MYADM: variants seen among roughly 807,000 people sequenced by gnomAD.
MYADM encodes myeloid associated differentiation marker.
For missense variants in MYADM, 416 were observed against 443.4 expected (o/e 0.94, Z 0.56); for synonymous variants, 224 against 210.2 (o/e 1.07, Z -0.57).
In MYADM at chr19:53,874,163, A is replaced by G. The variant is rs779142146; in HGVS notation, c.634A>G (p.Ile212Val). Residue 212 changes from isoleucine (I) to valine (V), a missense_variant, in exon 3 of 3, where the codon ATC becomes GTC. Physicochemically the swap from Ile to Val is conservative, Grantham distance 29. Coordinates refer to ENST00000391770, the MANE Select transcript of MYADM (RefSeq NM_138373.5). ...GGAGTGGTGCGTGGCGGTGTACGCC[A>G]TCTGCTTCATCCTAGCGGCCATCGC... ...ALEWCVAVYA[I>V]CFILAAIAIL... 6.2e-7 allele frequency: 1 copy of G among 1,613,912 alleles called. No individual in the cohort carries two copies. Among genetic ancestry groups the G allele is most frequent in the South Asian group, 1.1e-5 (1 of 91,086 alleles).
chr19:53,874,047 C>T lies in MYADM; in HGVS notation c.518C>T (p.Pro173Leu). The T allele has an allele frequency of 6.2e-7, 1 of 1,609,784 alleles. No individual in the cohort carries two copies. The highest frequency in any genetic ancestry group is 8.5e-7 in the Non-Finnish European group (1 of 1,180,022). ...GEITGYMATV[P>L]GLLKVLETFV... is the part of the protein sequence containing the mutation. ...ATCACTGGCTATATGGCCACCGTACCCGGGCTGCTGAAGGTGCTGGAGACC... is the reference window on the plus strand; with the variant it reads ...ATCACTGGCTATATGGCCACCGTACTCGGGCTGCTGAAGGTGCTGGAGACC... The change falls in exon 3 of 3, where the codon CCC (proline) becomes CTC (leucine). Residue 173 changes from proline (P) to leucine (L), a missense_variant. Pro to Leu is a moderately conservative substitution (Grantham distance 98, BLOSUM62 -3). Transcript: ENST00000391770.
In MYADM at chr19:53,868,339, GAT is replaced by G. The variant is rs2068282865; in HGVS notation, c.-88+397_-88+398del. 6.6e-6 allele frequency among the ~76,000 whole-genome samples: 1 copy of G among 152,066 alleles called. No individual in the cohort carries two copies. Among genetic ancestry groups the G allele is most frequent in the Non-Finnish European group, 1.5e-5 (1 of 68,008 alleles). On this transcript the variant is annotated intron_variant, in intron 1 of 2. Coordinates refer to ENST00000391770, the MANE Select transcript of MYADM (RefSeq NM_138373.5). This position sits in a 1 kb window ranked among gnomAD's most constrained non-coding sequence, Gnocchi z 6.3. ...GGGGCTGGGTCTGCGGGAGTAGAGA[GAT>G]GGGGACTCGTAGGTGCCCTAGTTGG...
rs2068535268 is a variant in MYADM at position 53,876,268 on chromosome 19, A to G, written c.*1770A>G. ...GACTCACATACATAACGTGATATATATATATATATATATAAATGTATAAAT... is the reference window on the plus strand; with the variant it reads ...GACTCACATACATAACGTGATATATGTATATATATATATAAATGTATAAAT... On this transcript the variant is annotated 3_prime_UTR_variant, in exon 3 of 3. Transcript: ENST00000391770. The G allele has an allele frequency of 6.2e-6, 1 of 161,762 alleles. No homozygotes were observed. Among genetic ancestry groups the G allele is most frequent in the Non-Finnish European group, 1.5e-5 (1 of 67,292 alleles). 10.0% of individuals were successfully genotyped at this position (161,762 alleles called of 1,614,324 possible). A position where few individuals can be genotyped will look rare whatever the true frequency, so the allele number is the denominator to read the frequency against.
upstream of MYADM, among the ~76,000 whole-genome samples, chr19:53,867,097 G>A (rs2068256719): frequency 6.6e-6 from 1 of 152,130 alleles, no homozygotes; most frequent in Admixed American, 6.5e-5. Context: ...CCTATCCACT[G>A]TGATATCTGA....
intron 2 of MYADM, among the ~76,000 whole-genome samples, chr19:53,870,064 C>T (rs1599913679): frequency 3.2e-5 from 1 of 30,900 alleles, no homozygotes; most frequent in Non-Finnish European, 5.5e-5. Flanking sequence ...CTCCGGGGTC[C>T]GAGGGAGGAG....
chr19:53,876,100 A>G lies in MYADM; in HGVS notation c.*1602A>G, dbSNP rs2068529868. On this transcript the variant is annotated 3_prime_UTR_variant, in exon 3 of 3. Coordinates refer to ENST00000391770, the MANE Select transcript of MYADM (RefSeq NM_138373.5). ...CCCTTAAAGAGGGAAGTTTGTTTTC[A>G]GCTGTTCTCTTTTGCCCGTAGGTGG... The G allele has an allele frequency of 6.0e-6, 1 of 166,886 alleles. No homozygotes were observed. The highest frequency in any genetic ancestry group is 1.5e-5 in the Non-Finnish European group (1 of 68,090). 10.3% of individuals were successfully genotyped at this position (166,886 alleles called of 1,614,324 possible).
Position 53,874,311 on chromosome 19 carries a change from A to C in MYADM, c.782A>C (p.Tyr261Ser), listed in dbSNP as rs1312140778. The C allele has an allele frequency of 1.9e-6, 3 of 1,611,592 alleles. No homozygotes were observed. The highest frequency in any genetic ancestry group is 1.7e-6 in the Non-Finnish European group (2 of 1,178,214). Residue 261 changes from tyrosine (Y) to serine (S), a missense_variant, in exon 3 of 3, where the codon TAC (tyrosine) becomes TCC (serine). Transcript: ENST00000391770. ...ACCGCCCTTGTTCTCTGGCCCCTCT[A>C]CCAGTTCGATGAGAAGTATGGCGGC... The part of the protein sequence containing the change: ...YATALVLWPL[Y>S]QFDEKYGGQP...
Position 53,873,647 on chromosome 19 carries a change from C to T in MYADM, c.118C>T (p.Arg40Cys), listed in dbSNP as rs774573434. The T allele has an allele frequency of 6.2e-6, 10 of 1,614,206 alleles. No individual in the cohort carries two copies. The Admixed American group carries it at 6.7e-5, about 11-fold the overall frequency. ...CCTGACACAGCCCCTGGGTCTCCTT[C>T]GCCTGCTGCAGCTGGTGTCTACCTG... ...RALTQPLGLL[R>C]LLQLVSTCVA... Residue 40 changes from arginine (R) to cysteine (C), a missense_variant, in exon 3 of 3, where the codon CGC becomes TGC. Coordinates refer to ENST00000391770, the MANE Select transcript of MYADM (RefSeq NM_138373.5). The surrounding 1 kb of genome is among the most constrained non-coding windows in gnomAD (Gnocchi z 4.3).
chr19:53,871,975 T>G (rs1296485505), intron 2 of MYADM, among the ~76,000 whole-genome samples: 1 of 152,034 alleles, frequency 6.6e-6, no homozygotes, highest in Non-Finnish European at 1.5e-5. Context: ...CTCGGCTCAC[T>G]GCAACCTCCA....
At chr19:53,866,715 G>T (rs1162128416), upstream of MYADM, among the ~76,000 whole-genome samples, 2 of 150,690 alleles carry the variant, frequency 1.3e-5, no homozygotes. This position sits in a 1 kb window ranked among gnomAD's most constrained non-coding sequence, Gnocchi z 4.3. Flanking sequence ...CCTCCATCCA[G>T]GAGTCAGGAA....
chr19:53,873,416 A>T lies in MYADM; in HGVS notation c.-2-112A>T. 1 of 1,155,498 alleles carries T rather than the reference A, an allele frequency of 8.7e-7. No individual in the cohort carries two copies. Among genetic ancestry groups the T allele is most frequent in the East Asian group, 2.4e-5 (1 of 42,080 alleles). The allele number at this position is 1,155,498 out of a possible 1,614,324, so 71.6% of individuals were successfully genotyped here. Reference sequence around the variant, plus strand: ...AAAACCGAAAGCCCCACATCTTGGGAACTCCCTAATTAGAGCTCATATTAA... The same window carrying T: ...AAAACCGAAAGCCCCACATCTTGGGTACTCCCTAATTAGAGCTCATATTAA... On this transcript the variant is annotated intron_variant, in intron 2 of 2. Coordinates refer to ENST00000391770, the MANE Select transcript of MYADM (RefSeq NM_138373.5). This position sits in a 1 kb window ranked among gnomAD's most constrained non-coding sequence, Gnocchi z 4.3.
chr19:53,870,733 G>C (rs770143922), intron 2 of MYADM, among the ~76,000 whole-genome samples: 1 of 152,168 alleles, frequency 6.6e-6, no homozygotes, highest in African/African-American at 2.4e-5. Flanking sequence ...CTGTGGCTGC[G>C]TTGAGACAGT....
chr19:53,866,940 A>G (rs1366653954), upstream of MYADM, among the ~76,000 whole-genome samples: 1 of 152,130 alleles, frequency 6.6e-6, no homozygotes, highest in Non-Finnish European at 1.5e-5. This position sits in a 1 kb window ranked among gnomAD's most constrained non-coding sequence, Gnocchi z 4.3. Flanking sequence ...CTGGGATTAC[A>G]GGCGTGAGCC....
At position 53,874,771 on chromosome 19, in the gene MYADM, C is replaced by CTTTTTT. The variant is rs67727940; in HGVS notation, c.*290_*295dup. On this transcript the variant is annotated 3_prime_UTR_variant, in exon 3 of 3. Coordinates refer to ENST00000391770, the MANE Select transcript of MYADM (RefSeq NM_138373.5). ...CCTGAGCTGTTTCTCTTTTTCTTTT[C>CTTTTTT]TTTTTTTTTTTTTTTTTTTTTTAAG... 6 of 172,100 alleles carry CTTTTTT rather than the reference C, an allele frequency of 3.5e-5. No individual in the cohort carries two copies. The highest frequency in any genetic ancestry group is 8.6e-5 in the African/African-American group (3 of 35,066). The allele number at this position is 172,100 out of a possible 1,614,324, so 10.7% of individuals were successfully genotyped here. A position where few individuals can be genotyped will look rare whatever the true frequency, so the allele number is the denominator to read the frequency against.
chr19:53,875,667 G>A lies in MYADM; in HGVS notation c.*1169G>A, dbSNP rs2068518986. The A allele has an allele frequency of 6.4e-6, 1 of 156,974 alleles. No homozygotes were observed. The highest frequency in any genetic ancestry group is 1.5e-5 in the Non-Finnish European group (1 of 68,026). 9.7% of individuals were successfully genotyped at this position (156,974 alleles called of 1,614,324 possible). On this transcript the variant is annotated 3_prime_UTR_variant, in exon 3 of 3. Transcript: ENST00000391770. ...AGTTCAAGACCAGCCTGGCCAACAT[G>A]GTGAAAGCATGTCTCTATTAAAAAT... is the stretch of plus-strand genomic sequence containing the variant.
At chr19:53,867,579 C>T (rs1430350668), upstream of MYADM, among the ~76,000 whole-genome samples, 1 of 152,170 alleles carries the variant, frequency 6.6e-6, no homozygotes, top group Admixed American at 6.5e-5. Context: ...TCCTCTAGGG[C>T]TGTGTCGAGG....
Position 53,873,933 on chromosome 19 carries a change from AC to A in MYADM, c.406del (p.His136ThrfsTer41). 6.2e-7 allele frequency: 1 copy of A among 1,611,564 alleles called. No homozygotes were observed. ...VQFLSHGRSRDHAIAATFFSC... is the reference protein window; with the variant it reads ...VQFLSHGRSRXHAIAATFFSC... ...TTCCTGTCCCACGGCCGTTCGCGGG[AC>A]CACGCCATCGCCGCCACCTTCTTCT... is the stretch of plus-strand genomic sequence containing the variant. On this transcript the variant is annotated frameshift_variant, in exon 3 of 3. Coordinates refer to ENST00000391770, the MANE Select transcript of MYADM (RefSeq NM_138373.5). LOFTEE classifies it low-confidence loss of function (END_TRUNC). This position sits in a 1 kb window ranked among gnomAD's most constrained non-coding sequence, Gnocchi z 4.3.
upstream of MYADM, among the ~76,000 whole-genome samples, chr19:53,866,917 G>A (rs550257255): frequency 3.3e-4 from 50 of 152,228 alleles, no homozygotes; most frequent in Admixed American, 9.8e-4. The surrounding 1 kb of genome is among the most constrained non-coding windows in gnomAD (Gnocchi z 4.3). Context: ...TCCCTCCTCA[G>A]CCTCCCGAAA....
rs761140644 is a variant in MYADM, at chr19:53,873,662, G to A, written c.133G>A (p.Val45Met). ...PLGLLRLLQL[V>M]STCVAFSLVA... ...GGGTCTCCTTCGCCTGCTGCAGCTG[G>A]TGTCTACCTGCGTGGCCTTCTCGCT... The change falls in exon 3 of 3, where the codon GTG becomes ATG. Residue 45 changes from valine (V) to methionine (M), a missense_variant. Coordinates refer to ENST00000391770, the MANE Select transcript of MYADM (RefSeq NM_138373.5). The surrounding 1 kb of genome is among the most constrained non-coding windows in gnomAD (Gnocchi z 4.3). 1 of 1,614,134 alleles carries A rather than the reference G, an allele frequency of 6.2e-7. No individual in the cohort carries two copies. Among genetic ancestry groups the A allele is most frequent in the African/African-American group, 1.3e-5 (1 of 75,042 alleles).
Sources: allele counts gnomAD v4.1 joint callset (sites outside exome capture counted in the v4.1 genomes callset), GRCh38; gene constraint gnomAD v4.1.1; non-coding constraint Gnocchi (gnomAD v3.1); transcripts MANE v1.5; gene names NCBI Gene and HGNC (gene_info 2026-07-23, HGNC 2026-07-21).